AKAP13: variants seen among roughly 807,000 people sequenced by gnomAD.
AKAP13 encodes the protein A-kinase anchoring protein 13, also known as A-kinase anchor protein 13.
AKAP13 carries 80 observed loss-of-function variants against 264.5 expected under a neutral mutation model. The ratio of observed to expected loss-of-function variants is 0.30; its 90% CI spans 0.25 to 0.36. AKAP13 has a LOEUF of 0.36. Among genes scored for constraint, AKAP13 ranks in the 10% least tolerant of loss-of-function variants. AKAP13 has a pLI of 1.00. For missense variants in AKAP13, 3,712 were observed against 3,435.2 expected (o/e 1.08, Z -2.01); for synonymous variants, 1,380 against 1,250.2 (o/e 1.10, Z -2.19).
intron 1 of AKAP13, among the ~76,000 whole-genome samples, chr15:85,459,233 T>TAGA (rs1338890275): frequency 1.3e-5 from 2 of 152,190 alleles, no homozygotes; most frequent in South Asian, 4.1e-4. Context: ...TCACCCAGGC[T>TAGA]GGAGTGCAGT....
chr15:85,738,844 C>CA (rs71468137), intron 33 of AKAP13, among the ~76,000 whole-genome samples: 2,016 of 70,776 alleles, frequency 0.028, 44 homozygotes, highest in African/African-American at 0.062. Context: ...GACTCCGTCT[C>CA]AAAAAAAAAA....
intron 1 of AKAP13, among the ~76,000 whole-genome samples, chr15:85,436,625 C>A (rs1230369150): frequency 6.9e-6 from 1 of 144,482 alleles, no homozygotes; most frequent in Non-Finnish European, 1.5e-5. Flanking sequence ...ATCTCTCAGA[C>A]CACAGTGCAA....
intron 8 of AKAP13, chr15:85,621,461 A>G (rs2081181559): frequency 6.6e-6 from 1 of 152,208 alleles, no homozygotes; most frequent in African/African-American, 2.4e-5. Flanking sequence ...CATATAATGT[A>G]TTTAGGAGAA....
At chr15:85,605,067 A>G (rs1039280095) in intron 8 of AKAP13, among the ~76,000 whole-genome samples, 11 of 151,850 alleles carry the variant, frequency 7.2e-5, no homozygotes, top group African/African-American at 2.7e-4. Context: ...TATGCTCTTA[A>G]TCCCCATGGA....
chr15:85,488,575 G>A (rs140647540), intron 2 of AKAP13, among the ~76,000 whole-genome samples: 1 of 152,292 alleles, frequency 6.6e-6, no homozygotes, highest in African/African-American at 2.4e-5. Context: ...ATCTTAAGAT[G>A]GGAGCTTATT....
intron 8 of AKAP13, chr15:85,627,800 G>T (rs926555455): frequency 6.6e-6 from 1 of 152,258 alleles, no homozygotes; most frequent in Non-Finnish European, 1.5e-5. Flanking sequence ...ATGGCTTCCT[G>T]CAGATTCTTG....
intron 1 of AKAP13, among the ~76,000 whole-genome samples, chr15:85,479,796 G>A (rs2075294951): frequency 1.3e-5 from 2 of 152,132 alleles, no homozygotes; most frequent in Non-Finnish European, 2.9e-5. Flanking sequence ...ATGGTGGAGC[G>A]CTTGTTAAAG....
intron 1 of AKAP13, among the ~76,000 whole-genome samples, chr15:85,400,985 C>T (rs1051251843): frequency 5.3e-5 from 8 of 151,824 alleles, no homozygotes; most frequent in African/African-American, 1.7e-4. Context: ...CCTCAACCTC[C>T]CAAGTAGCTG....
intron 1 of AKAP13, among the ~76,000 whole-genome samples, chr15:85,474,979 A>G (rs781567570): frequency 6.6e-6 from 1 of 152,122 alleles, no homozygotes. Context: ...CAGGTCTCGC[A>G]TTTGTCCAGG....
chr15:85,432,739 A>G (rs879378691), intron 1 of AKAP13, among the ~76,000 whole-genome samples: 1 of 152,180 alleles, frequency 6.6e-6, no homozygotes, highest in Non-Finnish European at 1.5e-5. Flanking sequence ...GCTATGGACT[A>G]ATTTCCATCA....
intron 1 of AKAP13, among the ~76,000 whole-genome samples, chr15:85,481,811 A>C (rs549011372): frequency 1.3e-5 from 2 of 152,314 alleles, no homozygotes; most frequent in Admixed American, 1.3e-4. Context: ...TGTTACATGA[A>C]AGCAGCCTCA....
At chr15:85,526,182 A>C (rs1231047732) in intron 3 of AKAP13, among the ~76,000 whole-genome samples, 1 of 152,212 alleles carries the variant, frequency 6.6e-6, no homozygotes, top group East Asian at 1.9e-4. Flanking sequence ...TTTTGGGTTT[A>C]AAGAAAAAAA....
In AKAP13 at chr15:85,718,530, G is replaced by T. The variant is rs1228563025; in HGVS notation, c.6001+371G>T. Among the ~76,000 whole-genome samples the T allele has an allele frequency of 3.3e-5, 5 of 152,252 alleles. No individual in the cohort carries two copies. In the East Asian group the frequency reaches 7.7e-4, roughly 24 times the overall value. On this transcript the variant is annotated intron_variant, in intron 22 of 36. Coordinates refer to ENST00000394518, the MANE Select transcript of AKAP13 (RefSeq NM_007200.5). This position sits in a 1 kb window ranked among gnomAD's most constrained non-coding sequence, Gnocchi z 4.9. ...GCTGAATCCAGTGAAGACCTCTTTGGAAGTCATAATTTAAGACTGATGGAA... is the reference window on the plus strand; with the variant it reads ...GCTGAATCCAGTGAAGACCTCTTTGTAAGTCATAATTTAAGACTGATGGAA...
intron 8 of AKAP13, among the ~76,000 whole-genome samples, chr15:85,618,196 C>T (rs1461816162): frequency 1.3e-5 from 2 of 152,204 alleles, no homozygotes; most frequent in Non-Finnish European, 2.9e-5. Flanking sequence ...CTGTATTTCC[C>T]TCCTTTAAGC....
chr15:85,440,712 G>T (rs926428223), intron 1 of AKAP13, among the ~76,000 whole-genome samples: 7 of 152,116 alleles, frequency 4.6e-5, no homozygotes, highest in Non-Finnish European at 7.4e-5. Flanking sequence ...TTTCCTTTTT[G>T]CTATGAAAGC....
rs1052065625 is a variant in AKAP13, at chr15:85,573,340, C to T, written c.663-1791C>T. 3.5e-4 allele frequency among the ~76,000 whole-genome samples: 53 copies of T among 152,028 alleles called. 1 individual carries two copies. Among genetic ancestry groups the T allele is most frequent in the African/African-American group, 1.3e-3 (52 of 41,456 alleles). ...GGTGGATCACCTGAGGTCAGGAGTT[C>T]GAGATCAGCCTGGCCAATGTGGCAA... On this transcript the variant is annotated intron_variant, in intron 5 of 36. Coordinates refer to ENST00000394518, the MANE Select transcript of AKAP13 (RefSeq NM_007200.5).
At position 85,729,019 on chromosome 15, in the gene AKAP13, G is replaced by A. The variant is rs1597198474; in HGVS notation, c.7088-1494G>A. On this transcript the variant is annotated intron_variant, in intron 29 of 36. Transcript: ENST00000394518. ...TAAGGTCATTAAAATCTGATCAGTTGGCCAGGCTCGGTGGCTCATGCCTGT... is the reference window on the plus strand; with the variant it reads ...TAAGGTCATTAAAATCTGATCAGTTAGCCAGGCTCGGTGGCTCATGCCTGT... Among the ~76,000 whole-genome samples the A allele has an allele frequency of 2.0e-5, 3 of 152,122 alleles. No individual in the cohort carries two copies. In the East Asian group the frequency reaches 5.8e-4, roughly 29 times the overall value.
intron 29 of AKAP13, 39 bp from the exon 30 acceptor site, chr15:85,730,474 A>C: frequency 1.2e-6 from 2 of 1,600,950 alleles, no homozygotes; most frequent in Non-Finnish European, 1.7e-6. Flanking sequence ...TAATTACTAA[A>C]CACCAATCAA....
intron 23 of AKAP13, among the ~76,000 whole-genome samples, chr15:85,720,257 A>C (rs1184224324): frequency 1.9e-5 from 1 of 53,092 alleles, no homozygotes; most frequent in African/African-American, 7.8e-5. Context: ...TTAAAAACAA[A>C]CTCTGTGTGT....
Sources: allele counts gnomAD v4.1 joint callset (sites outside exome capture counted in the v4.1 genomes callset), GRCh38; gene constraint gnomAD v4.1.1; non-coding constraint Gnocchi (gnomAD v3.1); transcripts MANE v1.5; gene names NCBI Gene and HGNC (gene_info 2026-07-23, HGNC 2026-07-21).